LDB2: variants seen among roughly 807,000 people sequenced by gnomAD.
LDB2 encodes the protein LIM domain-binding protein 2.
A neutral mutation model predicts 44.3 loss-of-function variants in LDB2; 12 were observed. That is an observed-to-expected ratio of 0.27 (90% CI 0.17 to 0.44). The LOEUF is 0.44. Ranked by LOEUF, LDB2 falls within the 20% of genes least tolerant of loss-of-function variation. The probability of loss-of-function intolerance (pLI) is 1.00; values close to 1 mark genes in which losing one functional copy is unlikely to be tolerated. For synonymous variants in LDB2, 164 were observed against 174.8 expected (o/e 0.94, Z 0.49); for missense variants, 344 against 473.5 (o/e 0.73, Z 2.54).
At chr4:16,700,523 G>A (rs2645250) in intron 2 of LDB2, among the ~76,000 whole-genome samples, 36,273 of 152,052 alleles carry the variant, frequency 0.24, 5,200 homozygotes, top group Non-Finnish European at 0.33. Flanking sequence ...CATCCGGTGT[G>A]TTTATTTTAT....
chr4:16,557,790 T>C (rs1740313573), intron 5 of LDB2, among the ~76,000 whole-genome samples: 2 of 152,198 alleles, frequency 1.3e-5, no homozygotes, highest in African/African-American at 4.8e-5. Context: ...CCCTGACCCC[T>C]GAGCAGCCTA....
rs376866270 is a variant in LDB2, at chr4:16,642,820, T to C, written c.236-46945A>G. On this transcript the variant is annotated intron_variant, in intron 2 of 7. Coordinates refer to ENST00000304523, the MANE Select transcript of LDB2 (RefSeq NM_001290.5). Reference sequence around the variant, plus strand: ...CACGGGTAACTGCCACCCTCAGCAGTGAATAGACATTGGACAAATAAATCA... The same window carrying C: ...CACGGGTAACTGCCACCCTCAGCAGCGAATAGACATTGGACAAATAAATCA... 7.2e-5 allele frequency among the ~76,000 whole-genome samples: 11 copies of C among 152,314 alleles called. No homozygotes were observed. The East Asian group carries it at 1.9e-3, about 27-fold the overall frequency.
Position 16,512,100 on chromosome 4 carries a change from C to T in LDB2, c.620G>A (p.Cys207Tyr). Residue 207 changes from cysteine (C) to tyrosine (Y), a missense_variant, in exon 6 of 8, where the codon TGT becomes TAT. Cys to Tyr is a radical substitution (Grantham distance 194). Coordinates refer to ENST00000304523, the MANE Select transcript of LDB2 (RefSeq NM_001290.5). ...TNFTLNYLRL[C>Y]VILEPMQELM... ...TTCCTGCATTGGCTCCAATATTACACACAACTGCAAGAAGTTCAAAGACAT... is the reference window on the plus strand; with the variant it reads ...TTCCTGCATTGGCTCCAATATTACATACAACTGCAAGAAGTTCAAAGACAT... 3.7e-6 allele frequency: 6 copies of T among 1,608,856 alleles called. No individual in the cohort carries two copies. The highest frequency in any genetic ancestry group is 5.1e-6 in the Non-Finnish European group (6 of 1,176,972).
chr4:16,816,456 T>C (rs978916311), intron 1 of LDB2, among the ~76,000 whole-genome samples: 1 of 146,266 alleles, frequency 6.8e-6, no homozygotes, highest in African/African-American at 2.5e-5. Context: ...TTGCCCAGGC[T>C]AGAGGGCAAT....
At chr4:16,720,671 C>T (rs1387186077) in intron 2 of LDB2, among the ~76,000 whole-genome samples, 3 of 152,054 alleles carry the variant, frequency 2.0e-5, no homozygotes, top group Non-Finnish European at 4.4e-5. Flanking sequence ...AATTAGGAAG[C>T]TTTAACCATA....
At chr4:16,524,965 A>G (rs1000903786) in intron 5 of LDB2, among the ~76,000 whole-genome samples, 17 of 152,224 alleles carry the variant, frequency 1.1e-4, no homozygotes, top group African/African-American at 3.9e-4. Context: ...GTAATATTTA[A>G]ACACTAACAT....
At chr4:16,666,595 T>A (rs1743290279) in intron 2 of LDB2, among the ~76,000 whole-genome samples, 1 of 152,238 alleles carries the variant, frequency 6.6e-6, no homozygotes, top group African/African-American at 2.4e-5. Context: ...ACCAGGCTTC[T>A]ACTGCATGGA....
intron 2 of LDB2, among the ~76,000 whole-genome samples, chr4:16,634,414 C>G (rs1242298339): frequency 1.3e-5 from 2 of 151,606 alleles, no homozygotes; most frequent in African/African-American, 2.4e-5. Context: ...GGCTAATATC[C>G]AGAGTCTACA....
In LDB2 at chr4:16,673,798, A is replaced by G. The variant is rs1054054125; in HGVS notation, c.236-77923T>C. Among the ~76,000 whole-genome samples the G allele has an allele frequency of 2.0e-5, 3 of 152,224 alleles. No homozygotes were observed. In the East Asian group the frequency reaches 5.8e-4, roughly 29 times the overall value. On this transcript the variant is annotated intron_variant, in intron 2 of 7. Coordinates refer to ENST00000304523, the MANE Select transcript of LDB2 (RefSeq NM_001290.5). ...CACCTGCCCCAACAAAAAACTATCC[A>G]GTCCAGAATGCTACATGCCAGGGTT... is the stretch of plus-strand genomic sequence containing the variant.
At chr4:16,669,216 T>C (rs1255958734) in intron 2 of LDB2, among the ~76,000 whole-genome samples, 2 of 152,230 alleles carry the variant, frequency 1.3e-5, no homozygotes, top group African/African-American at 4.8e-5. Context: ...AATTTGACCA[T>C]GACCTCATAG....
At chr4:16,574,492 G>T (rs971665108) in intron 5 of LDB2, among the ~76,000 whole-genome samples, 17 of 152,128 alleles carry the variant, frequency 1.1e-4, no homozygotes, top group African/African-American at 3.6e-4. Flanking sequence ...ATTCAAAGCC[G>T]CAACCAATGT....
chr4:16,876,773 A>G (rs1472361851), intron 1 of LDB2, among the ~76,000 whole-genome samples: 1 of 152,156 alleles, frequency 6.6e-6, no homozygotes, highest in African/African-American at 2.4e-5. Context: ...CAGCAAAAAC[A>G]AGGCTATTTC....
intron 5 of LDB2, among the ~76,000 whole-genome samples, chr4:16,516,679 T>C (rs1375602031): frequency 3.3e-5 from 5 of 152,170 alleles, no homozygotes; most frequent in African/African-American, 1.2e-4. Flanking sequence ...TGAGGACCCA[T>C]GAGCTCATTG....
At chr4:16,800,843 CTT>C (rs561710244) in intron 1 of LDB2, among the ~76,000 whole-genome samples, 2 of 152,230 alleles carry the variant, frequency 1.3e-5, no homozygotes, top group South Asian at 4.1e-4. Context: ...GCCCGGCTAA[CTT>C]TTTGTATTTT....
chr4:16,675,424 A>G (rs1438707490), intron 2 of LDB2, among the ~76,000 whole-genome samples: 1 of 152,196 alleles, frequency 6.6e-6, no homozygotes, highest in East Asian at 1.9e-4. Flanking sequence ...CAGTACTTCA[A>G]TTGATTCATT....
At chr4:16,515,562 T>C (rs1038637776) in intron 5 of LDB2, among the ~76,000 whole-genome samples, 2 of 152,226 alleles carry the variant, frequency 1.3e-5, no homozygotes, top group Non-Finnish European at 2.9e-5. Context: ...CAAGTAGATT[T>C]AAGAGTGGGT....
rs140579341 is a variant in LDB2, at chr4:16,524,519, G to T, written c.616-12415C>A. ...ACAGGGCATTGGAAACCACCACATCGTGGAAAGAGAGTATGAGGGAGGGGC... is the reference window on the plus strand; with the variant it reads ...ACAGGGCATTGGAAACCACCACATCTTGGAAAGAGAGTATGAGGGAGGGGC... On this transcript the variant is annotated intron_variant, in intron 5 of 7. Transcript: ENST00000304523. Among the ~76,000 whole-genome samples, 898 of 152,242 alleles carry T rather than the reference G, an allele frequency of 5.9e-3. 12 individuals are homozygous for T. The highest frequency in any genetic ancestry group is 0.021 in the African/African-American group (854 of 41,550).
chr4:16,574,223 C>T (rs1490817341), intron 5 of LDB2, among the ~76,000 whole-genome samples: 1 of 152,206 alleles, frequency 6.6e-6, no homozygotes, highest in Non-Finnish European at 1.5e-5. Context: ...TAAATGCTCT[C>T]ACACTCAGTT....
intron 5 of LDB2, among the ~76,000 whole-genome samples, chr4:16,558,153 G>C (rs1740488835): frequency 6.6e-6 from 1 of 152,098 alleles, no homozygotes; most frequent in Non-Finnish European, 1.5e-5. Context: ...CTAAAAAGCA[G>C]AGCGTCCCTC....
Sources: gnomAD v4.1 joint callset for allele counts (sites outside exome capture counted in the v4.1 genomes callset) on GRCh38, gnomAD v4.1.1 for gene constraint, MANE v1.5 for transcripts, NCBI Gene and HGNC (gene_info 2026-07-23, HGNC 2026-07-21) for gene names.